Variants in GABRB1 observed in about 807,000 individuals in gnomAD.
GABRB1 encodes the protein gamma-aminobutyric acid receptor subunit beta-1.
GABRB1 carries 17 observed loss-of-function variants against 51.6 expected under a neutral mutation model. The observed-to-expected ratio is 0.33, with a 90% CI of 0.23 to 0.49. GABRB1 has a LOEUF of 0.49. GABRB1 is among the 20% of genes least tolerant of loss of function. The pLI is 0.99. For missense variants in GABRB1, 410 were observed against 600.6 expected, an observed-to-expected ratio of 0.68 and a Z score of 3.32; for synonymous variants, 247 against 218.9, an observed-to-expected ratio of 1.13 and a Z score of -1.14.
intron 4 of GABRB1, among the ~76,000 whole-genome samples, chr4:47,202,531 TA>T (rs746778854): frequency 2.6e-5 from 4 of 152,196 alleles, no homozygotes; most frequent in Non-Finnish European, 5.9e-5. Context: ...TGTATGTAAA[TA>T]ATCCACTTTG....
At chr4:47,394,847 T>C (rs997863059) in intron 5 of GABRB1, among the ~76,000 whole-genome samples, 5 of 152,134 alleles carry the variant, frequency 3.3e-5, no homozygotes, top group South Asian at 2.1e-4. Context: ...CTTTAACTTA[T>C]CTGATTTTTG....
chr4:47,184,334 C>G (rs1412980709), intron 4 of GABRB1, among the ~76,000 whole-genome samples: 4 of 152,024 alleles, frequency 2.6e-5, no homozygotes, highest in Non-Finnish European at 5.9e-5. Flanking sequence ...GACAAAGGCT[C>G]TATTTGATAC....
intron 4 of GABRB1, among the ~76,000 whole-genome samples, chr4:47,182,436 ACCAAGTGGTAGATCTT>A (rs1482850682): frequency 6.6e-6 from 1 of 152,026 alleles, no homozygotes; most frequent in African/African-American, 2.4e-5. Context: ...TCTCATGTTT[ACCAAGTGGTAGATCTT>A]CCTTGATATT....
chr4:47,233,435 C>T lies in GABRB1; in HGVS notation c.461+71966C>T, dbSNP rs73815417. Among the ~76,000 whole-genome samples the T allele has an allele frequency of 5.2e-4, 79 of 152,258 alleles. 1 individual carries two copies. The highest frequency in any genetic ancestry group is 1.8e-3 in the African/African-American group (74 of 41,558). On this transcript the variant is annotated intron_variant, in intron 4 of 8. Transcript: ENST00000295454. ...GTTTATCCTTTGCCACTGCTTGCCA[C>T]GCATTTAATATTATTAATATTGAAC...
intron 4 of GABRB1, among the ~76,000 whole-genome samples, chr4:47,241,253 C>T (rs114685921): frequency 2.0e-5 from 3 of 150,626 alleles, no homozygotes; most frequent in East Asian, 1.9e-4. Context: ...CTTTTTTTTC[C>T]GAAAGTAATT....
intron 3 of GABRB1, among the ~76,000 whole-genome samples, chr4:47,117,483 T>C (rs1715554678): frequency 6.6e-6 from 1 of 152,122 alleles, no homozygotes; most frequent in South Asian, 2.1e-4. Flanking sequence ...ATTCCTCCAA[T>C]ATCAATATCT....
rs545300490 is a variant in GABRB1, at chr4:47,284,685, A to T, written c.462-35442A>T. Among the ~76,000 whole-genome samples the T allele has an allele frequency of 4.6e-5, 7 of 152,318 alleles. No individual in the cohort carries two copies. In the South Asian group the frequency reaches 1.5e-3, roughly 32 times the overall value. On this transcript the variant is annotated intron_variant, in intron 4 of 8. Coordinates refer to ENST00000295454, the MANE Select transcript of GABRB1 (RefSeq NM_000812.4). Reference sequence around the variant, plus strand: ...TCTCTTGACAGGATCCTACAACCAAAGCTAAAGGGCAACCATGATTGGTAT... The same window carrying T: ...TCTCTTGACAGGATCCTACAACCAATGCTAAAGGGCAACCATGATTGGTAT...
In GABRB1 at chr4:47,292,237, G is replaced by T. The variant is rs529972265; in HGVS notation, c.462-27890G>T. Reference sequence around the variant, plus strand: ...TCTTCTCTTGTCTGCCACCATATGAGACTTGCCTTTCACCTTCCACCATGA... The same window carrying T: ...TCTTCTCTTGTCTGCCACCATATGATACTTGCCTTTCACCTTCCACCATGA... On this transcript the variant is annotated intron_variant, in intron 4 of 8. Coordinates refer to ENST00000295454, the MANE Select transcript of GABRB1 (RefSeq NM_000812.4). Among the ~76,000 whole-genome samples, 3 of 152,288 alleles carry T rather than the reference G, an allele frequency of 2.0e-5. No individual in the cohort carries two copies. The East Asian group carries it at 5.8e-4, about 29-fold the overall frequency.
chr4:47,193,850 G>T (rs1362425123), intron 4 of GABRB1, among the ~76,000 whole-genome samples: 1 of 152,090 alleles, frequency 6.6e-6, no homozygotes, highest in Non-Finnish European at 1.5e-5. Context: ...TTCATCATCT[G>T]ACAATGATAG....
intron 4 of GABRB1, among the ~76,000 whole-genome samples, chr4:47,251,322 A>G (rs924447945): frequency 3.9e-5 from 6 of 152,194 alleles, no homozygotes; most frequent in African/African-American, 9.7e-5. Context: ...TCAGTCATAG[A>G]TACCAGCAAC....
At chr4:47,105,947 T>C (rs1432128040) in intron 3 of GABRB1, among the ~76,000 whole-genome samples, 1 of 152,134 alleles carries the variant, frequency 6.6e-6, no homozygotes, top group Non-Finnish European at 1.5e-5. Flanking sequence ...CTGGCTTGTA[T>C]AAGATCTGAC....
intron 3 of GABRB1, among the ~76,000 whole-genome samples, chr4:47,039,887 A>G (rs974985485): frequency 6.6e-6 from 1 of 152,214 alleles, no homozygotes; most frequent in African/African-American, 2.4e-5. Context: ...GGACAATGTC[A>G]TTGAATGCTC....
chr4:47,242,668 G>A (rs559828682), intron 4 of GABRB1, among the ~76,000 whole-genome samples: 4 of 152,106 alleles, frequency 2.6e-5, no homozygotes, highest in Non-Finnish European at 5.9e-5. Flanking sequence ...TATGTCTGTT[G>A]GCTGAATAAT....
intron 4 of GABRB1, among the ~76,000 whole-genome samples, chr4:47,165,272 G>A (rs1483093753): frequency 6.6e-6 from 1 of 151,556 alleles, no homozygotes; most frequent in Non-Finnish European, 1.5e-5. Context: ...AATCTTCTTG[G>A]TACACACTCT....
At chr4:47,009,377 A>G (rs956160517) in intron 1 of GABRB1, among the ~76,000 whole-genome samples, 1 of 152,116 alleles carries the variant, frequency 6.6e-6, no homozygotes, top group African/African-American at 2.4e-5. Flanking sequence ...CTACCATTAT[A>G]ATGTATTTGC....
In GABRB1 at chr4:47,008,852, C is replaced by T. The variant is rs1724494381; in HGVS notation, c.-20+14926C>T. On this transcript the variant is annotated intron_variant, in intron 1 of 3. Coordinates refer to the GABRB1 transcript ENST00000513567. Reference sequence around the variant, plus strand: ...CACCCTGTCACGCTATCAGATACTACCTTTTTTTTTTTTTTTTTTTTTTTT... The same window carrying T: ...CACCCTGTCACGCTATCAGATACTATCTTTTTTTTTTTTTTTTTTTTTTTT... Among the ~76,000 whole-genome samples the T allele has an allele frequency of 8.9e-5, 5 of 56,470 alleles. 1 individual carries two copies. Among genetic ancestry groups the T allele is most frequent in the Admixed American group, 3.0e-4 (1 of 3,352 alleles). The allele number at this position is 56,470 out of a possible 152,430, so 37.0% of individuals were successfully genotyped here. A position where few individuals can be genotyped will look rare whatever the true frequency, so the allele number is the denominator to read the frequency against.
intron 4 of GABRB1, among the ~76,000 whole-genome samples, chr4:47,315,770 T>G (rs547401425): frequency 6.6e-6 from 1 of 151,914 alleles, no homozygotes; most frequent in Non-Finnish European, 1.5e-5. Context: ...CTAAGTGAAC[T>G]AACACAGGAA....
intron 3 of GABRB1, among the ~76,000 whole-genome samples, chr4:47,086,423 T>C (rs886250581): frequency 2.6e-5 from 4 of 152,214 alleles, no homozygotes; most frequent in African/African-American, 9.6e-5. Flanking sequence ...CCAAATCTTT[T>C]ACATATTCTT....
intron 3 of GABRB1, among the ~76,000 whole-genome samples, chr4:47,146,521 T>C (rs1223219874): frequency 6.6e-6 from 1 of 152,100 alleles, no homozygotes; most frequent in East Asian, 1.9e-4. Context: ...TTTAGGATTC[T>C]GAAGAACCCT....
Sources: allele counts gnomAD v4.1 joint callset (sites outside exome capture counted in the v4.1 genomes callset), GRCh38; gene constraint gnomAD v4.1.1; transcripts MANE v1.5; gene names NCBI Gene and HGNC (gene_info 2026-07-23, HGNC 2026-07-21).